ADGRL3: variants seen among roughly 807,000 people sequenced by gnomAD.
ADGRL3 encodes the protein calcium-independent alpha-latrotoxin receptor 3.
ADGRL3 carries 62 observed loss-of-function variants against 153.5 expected under a neutral mutation model. The ratio of observed to expected loss-of-function variants is 0.40; its 90% CI spans 0.33 to 0.50. ADGRL3 has a LOEUF of 0.50. Among genes scored for constraint, ADGRL3 ranks in the 20% least tolerant of loss-of-function variants. The pLI is 0.47. For synonymous variants in ADGRL3, 710 were observed against 672.5 expected, an observed-to-expected ratio of 1.06 and a Z score of -0.86; for missense variants, 1,641 against 1,859.4, an observed-to-expected ratio of 0.88 and a Z score of 2.16.
At chr4:61,972,104 G>T (rs942796607) in intron 17 of ADGRL3, among the ~76,000 whole-genome samples, 1 of 151,862 alleles carries the variant, frequency 6.6e-6, no homozygotes, top group Non-Finnish European at 1.5e-5. Context: ...CCATTTTGTA[G>T]GTTGCCTGTT....
At chr4:61,245,239 C>A (rs916552842) in intron 1 of ADGRL3, among the ~76,000 whole-genome samples, 5 of 152,062 alleles carry the variant, frequency 3.3e-5, no homozygotes, top group African/African-American at 1.2e-4. Context: ...GGTTTTTAGC[C>A]TCAGCCGAAC....
intron 4 of ADGRL3, among the ~76,000 whole-genome samples, chr4:61,566,416 G>A (rs112588412): frequency 1.3e-3 from 194 of 152,186 alleles, no homozygotes; most frequent in African/African-American, 4.4e-3. Context: ...ACTGGGGGTT[G>A]GGACTTCAAT....
chr4:61,644,480 G>C (rs958382145), intron 5 of ADGRL3, among the ~76,000 whole-genome samples: 3 of 152,090 alleles, frequency 2.0e-5, no homozygotes, highest in Admixed American at 6.6e-5. Context: ...AGAGATTCTG[G>C]TATGTTGTGT....
In ADGRL3 at chr4:61,996,111, C is replaced by A. The variant is rs1486228172; in HGVS notation, c.3237-180C>A. On this transcript the variant is annotated intron_variant, in intron 19 of 26. Transcript: ENST00000683033. ...TCCAGGGCTAATTATCTTACTCCATCAATAGTGCTGTCAGAAATTGGGCAC... is the reference window on the plus strand; with the variant it reads ...TCCAGGGCTAATTATCTTACTCCATAAATAGTGCTGTCAGAAATTGGGCAC... 2.6e-5 allele frequency among the ~76,000 whole-genome samples: 4 copies of A among 151,998 alleles called. No individual in the cohort carries two copies. In the East Asian group the frequency reaches 7.7e-4, roughly 29 times the overall value.
At chr4:61,711,375 C>T (rs1005750697) in intron 6 of ADGRL3, among the ~76,000 whole-genome samples, 2 of 148,934 alleles carry the variant, frequency 1.3e-5, no homozygotes, top group African/African-American at 4.9e-5. Context: ...TACTTTCTGT[C>T]CTTTCCGTTA....
chr4:62,007,410 GTA>G (rs1159334149), intron 21 of ADGRL3, among the ~76,000 whole-genome samples: 9 of 29,068 alleles, frequency 3.1e-4, no homozygotes, highest in African/African-American at 7.7e-4. Flanking sequence ...ATATATACAC[GTA>G]TATATATATA....
intron 21 of ADGRL3, among the ~76,000 whole-genome samples, chr4:62,027,387 A>T (rs1393124761): frequency 6.6e-6 from 1 of 152,024 alleles, no homozygotes; most frequent in Non-Finnish European, 1.5e-5. Context: ...TATGGCAGCT[A>T]CTATGTGAAG....
chr4:61,564,954 C>T (rs2098810376), intron 4 of ADGRL3, among the ~76,000 whole-genome samples: 1 of 151,974 alleles, frequency 6.6e-6, no homozygotes, highest in Non-Finnish European at 1.5e-5. Context: ...TTCCTGACAC[C>T]CTAAAACAAT....
At chr4:61,647,693 A>G (rs1345238394) in intron 5 of ADGRL3, among the ~76,000 whole-genome samples, 1 of 152,188 alleles carries the variant, frequency 6.6e-6, no homozygotes, top group Non-Finnish European at 1.5e-5. Context: ...ATATACTGAA[A>G]TTATCAATAA....
intron 8 of ADGRL3, among the ~76,000 whole-genome samples, chr4:61,792,854 G>T (rs2097360579): frequency 6.6e-6 from 1 of 151,850 alleles, no homozygotes. Context: ...CTGTTAACCA[G>T]TTCCAAAGTT....
chr4:61,527,047 C>T (rs1352714640), intron 4 of ADGRL3, among the ~76,000 whole-genome samples: 7 of 152,098 alleles, frequency 4.6e-5, no homozygotes, highest in East Asian at 3.9e-4. Flanking sequence ...TTATTTGCAA[C>T]ACATTTTTTA....
chr4:61,344,192 G>A (rs537308158), intron 1 of ADGRL3, among the ~76,000 whole-genome samples: 2 of 152,220 alleles, frequency 1.3e-5, no homozygotes, highest in African/African-American at 4.8e-5. Context: ...TTCCATTGAC[G>A]TTGCTCAGTG....
At chr4:61,322,618 G>A (rs2095382205) in intron 1 of ADGRL3, among the ~76,000 whole-genome samples, 2 of 152,172 alleles carry the variant, frequency 1.3e-5, no homozygotes, top group Non-Finnish European at 2.9e-5. Context: ...GTGAAAATCC[G>A]GCAGGACAGT....
At chr4:61,292,146 A>G (rs1370973249) in intron 1 of ADGRL3, among the ~76,000 whole-genome samples, 2 of 151,866 alleles carry the variant, frequency 1.3e-5, no homozygotes, top group Admixed American at 1.3e-4. Flanking sequence ...GTCAGCATGA[A>G]CCTCAATAAA....
chr4:61,798,478 A>G (rs539929951), intron 8 of ADGRL3, among the ~76,000 whole-genome samples: 1 of 152,300 alleles, frequency 6.6e-6, no homozygotes, highest in African/African-American at 2.4e-5. Flanking sequence ...GATGTGTGAA[A>G]CAAAATCATC....
intron 8 of ADGRL3, among the ~76,000 whole-genome samples, chr4:61,757,959 A>G (rs1007912404): frequency 5.3e-4 from 80 of 152,242 alleles, no homozygotes; most frequent in African/African-American, 1.7e-3. Flanking sequence ...CCTGAGTTCT[A>G]GTTTGATTGC....
intron 8 of ADGRL3, among the ~76,000 whole-genome samples, chr4:61,745,733 T>C (rs776335359): frequency 1.5e-3 from 224 of 152,204 alleles, no homozygotes; most frequent in Non-Finnish European, 2.2e-3. Context: ...AAGGAACAAC[T>C]GGTACCAGCC....
chr4:61,468,696 T>C (rs938582207), intron 2 of ADGRL3, among the ~76,000 whole-genome samples: 1 of 152,086 alleles, frequency 6.6e-6, no homozygotes, highest in Admixed American at 6.6e-5. Flanking sequence ...TGAGACACCA[T>C]GGTTTCTTGT....
chr4:61,885,551 C>T (rs890776798), intron 9 of ADGRL3, among the ~76,000 whole-genome samples: 1 of 152,048 alleles, frequency 6.6e-6, no homozygotes, highest in Non-Finnish European at 1.5e-5. Flanking sequence ...AGAATATTGC[C>T]GGGCCCATAA....
Sources: allele counts gnomAD v4.1 joint callset (sites outside exome capture counted in the v4.1 genomes callset), GRCh38; gene constraint gnomAD v4.1.1; transcripts MANE v1.5; gene names NCBI Gene and HGNC (gene_info 2026-07-23, HGNC 2026-07-21).